DNAH3: variants seen among roughly 807,000 people sequenced by gnomAD.
The protein encoded by DNAH3 is axonemal beta dynein heavy chain 3.
A neutral mutation model predicts 432.5 loss-of-function variants in DNAH3; 332 were observed. That is an observed-to-expected ratio of 0.77 (90% CI 0.70 to 0.84). The LOEUF is 0.84. DNAH3 is among the 40% of genes least tolerant of loss of function. The pLI is 0.00. For missense variants in DNAH3, 4,861 were observed against 5,114.0 expected (o/e 0.95, Z 1.51); for synonymous variants, 1,956 against 1,900.2 (o/e 1.03, Z -0.76).
At chr16:21,087,471 C>T (rs981415505) in intron 18 of DNAH3, among the ~76,000 whole-genome samples, 4 of 152,050 alleles carry the variant, frequency 2.6e-5, no homozygotes, top group African/African-American at 9.7e-5. Context: ...ACTGCTTGAG[C>T]CTAGCAGTTT....
At chr16:20,952,465 T>C (rs1466594350) in exon 56 of DNAH3, 1 of 1,613,134 alleles carries the variant, frequency 6.2e-7, no homozygotes, top group East Asian at 2.2e-5. Context: ...AAAGGGCACC[T>C]CCTTGTAGTC....
At chr16:21,136,418 G>C in exon 6 of DNAH3, 3 of 1,614,140 alleles carry the variant, frequency 1.9e-6, no homozygotes, top group Non-Finnish European at 2.5e-6. Context: ...TCAGCAGCGT[G>C]TTAGAAATCA....
chr16:20,940,226 G>T (rs573745082), intron 59 of DNAH3, among the ~76,000 whole-genome samples: 2 of 151,666 alleles, frequency 1.3e-5, no homozygotes, highest in African/African-American at 4.8e-5. Flanking sequence ...GAATCTCAGA[G>T]TTTTTTTTTA....
At chr16:21,141,103 C>T (rs1444091270) in intron 4 of DNAH3, among the ~76,000 whole-genome samples, 197 bp downstream of exon 5, 2 of 151,872 alleles carry the variant, frequency 1.3e-5, no homozygotes, top group African/African-American at 2.4e-5. Flanking sequence ...CATGCCACTG[C>T]ACTCCAGCCC....
intron 57 of DNAH3, among the ~76,000 whole-genome samples, chr16:20,945,430 A>G (rs1231072083): frequency 6.6e-6 from 1 of 152,182 alleles, no homozygotes; most frequent in Admixed American, 6.5e-5. Context: ...AACTGTAAGT[A>G]TAATCAGTTG....
chr16:21,151,870 A>T (rs982948427), intron 1 of DNAH3, among the ~76,000 whole-genome samples: 1 of 152,124 alleles, frequency 6.6e-6, no homozygotes, highest in Non-Finnish European at 1.5e-5. Context: ...CCATGCTTGC[A>T]TATCTTTTTT....
At chr16:20,981,735 G>GATAAATAAATAA (rs907707159) in intron 49 of DNAH3, among the ~76,000 whole-genome samples, 7 of 151,326 alleles carry the variant, frequency 4.6e-5, no homozygotes, top group Admixed American at 1.3e-4. Flanking sequence ...AAAATAAATA[G>GATAAATAAATAA]ATAAATAAAT....
At chr16:21,031,422 T>A in intron 36 of DNAH3, 136 bp from the exon 37 acceptor site, 2 of 1,128,774 alleles carry the variant, frequency 1.8e-6, no homozygotes, top group Non-Finnish European at 2.5e-6. Flanking sequence ...ATAAAACATG[T>A]GCTCAGTTTT....
intron 18 of DNAH3, among the ~76,000 whole-genome samples, chr16:21,092,698 C>CAAAAAAAAAAAA (rs61277332): frequency 8.7e-5 from 1 of 11,532 alleles, no homozygotes; most frequent in East Asian, 3.1e-3. Flanking sequence ...AAAATATTTG[C>CAAAAAAAAAAAA]AAAAAAAAAA....
At chr16:21,066,785 A>G (rs1026493850) in intron 24 of DNAH3, among the ~76,000 whole-genome samples, 1 of 152,188 alleles carries the variant, frequency 6.6e-6, no homozygotes, top group African/African-American at 2.4e-5. Flanking sequence ...GATGGTATAA[A>G]AAAATTGACT....
At chr16:21,015,431 AT>A (rs1373536627) in intron 41 of DNAH3, among the ~76,000 whole-genome samples, 1 of 152,140 alleles carries the variant, frequency 6.6e-6, no homozygotes, top group Non-Finnish European at 1.5e-5. Context: ...GGAGCACAGG[AT>A]TTTTTTGGGT....
chr16:20,996,990 G>A (rs2086789104), intron 44 of DNAH3: 1 of 314,044 alleles, frequency 3.2e-6, no homozygotes, highest in African/African-American at 2.1e-5. Flanking sequence ...GAGGCTTCTG[G>A]ATGGAGCCTC....
chr16:21,024,827 A>AGGTTATT, intron 38 of DNAH3, 126 bp from the exon 39 acceptor site: 2 of 761,838 alleles, frequency 2.6e-6, no homozygotes, highest in Non-Finnish European at 4.6e-6. Context: ...ACAATAACCT[A>AGGTTATT]GTCCCCTGGG....
At chr16:21,124,837 ACAGGGTTT>A (rs1455163310) in intron 9 of DNAH3, among the ~76,000 whole-genome samples, 1 of 152,128 alleles carries the variant, frequency 6.6e-6, no homozygotes. Context: ...TTTAGTAGAG[ACAGGGTTT>A]CACCATGATG....
intron 7 of DNAH3, among the ~76,000 whole-genome samples, chr16:21,133,464 G>A (rs969440749): frequency 1.3e-5 from 2 of 152,006 alleles, no homozygotes; most frequent in Non-Finnish European, 2.9e-5. Flanking sequence ...GGGTGAGCTG[G>A]GTGCGATGGC....
intron 44 of DNAH3, among the ~76,000 whole-genome samples, chr16:20,988,498 T>TC (rs1390319664): frequency 1.3e-5 from 2 of 152,134 alleles, no homozygotes; most frequent in Non-Finnish European, 2.9e-5. Context: ...CACTGCAACC[T>TC]CCGCCTCCCG....
At chr16:20,990,073 C>T (rs930273835) in intron 44 of DNAH3, among the ~76,000 whole-genome samples, 5 of 152,238 alleles carry the variant, frequency 3.3e-5, no homozygotes, top group Non-Finnish European at 7.3e-5. Context: ...CTTGCCCAGC[C>T]CAGAAAGGGG....
chr16:21,005,222 T>TTTCC (rs372770626), intron 41 of DNAH3, among the ~76,000 whole-genome samples: 1 of 150,740 alleles, frequency 6.6e-6, no homozygotes, highest in African/African-American at 2.4e-5. Context: ...TCCTTCTGTA[T>TTTCC]TTCCTTCCTT....
chr16:21,027,354 AAG>A (rs2088623096), intron 37 of DNAH3, among the ~76,000 whole-genome samples: 1 of 152,216 alleles, frequency 6.6e-6, no homozygotes, highest in African/African-American at 2.4e-5. Flanking sequence ...GACAGACAAT[AAG>A]CAAAATATAT....
Sources: gnomAD v4.1 joint callset for allele counts (sites outside exome capture counted in the v4.1 genomes callset) on GRCh38, gnomAD v4.1.1 for gene constraint, MANE v1.5 for transcripts, NCBI Gene and HGNC (gene_info 2026-07-23, HGNC 2026-07-21) for gene names.